Variants in SLC44A5 observed in about 807,000 individuals in gnomAD.
SLC44A5 encodes solute carrier family 44 member 5, also known as choline transporter-like protein 5.
Under a neutral mutation model 101.8 loss-of-function variants are expected in SLC44A5, and 57 were observed. That is an observed-to-expected ratio of 0.56 (90% CI 0.45 to 0.70). The LOEUF (loss-of-function observed/expected upper bound fraction) is 0.70. Ranked by LOEUF, SLC44A5 falls within the 30% of genes least tolerant of loss-of-function variation. SLC44A5 has a pLI of 0.00. For missense variants in SLC44A5, 737 were observed against 853.1 expected (o/e 0.86, Z 1.70); for synonymous variants, 281 against 290.9 (o/e 0.97, Z 0.35).
chr1:75,398,388 G>A, intron 2 of SLC44A5: 4 of 985,322 alleles, frequency 4.1e-6, no homozygotes, highest in African/African-American at 3.5e-5. Flanking sequence ...ATCAGTGCCG[G>A]GTATAGCAGG....
At chr1:75,658,059 A>G in the SLC44A5 span, among the ~76,000 whole-genome samples, 1 of 151,798 alleles carries the variant, frequency 6.6e-6, no homozygotes, top group South Asian at 2.1e-4. Context: ...ACCACATGCT[A>G]GGCCACAAAC....
At chr1:75,215,599 A>G (rs1157253709) in intron 19 of SLC44A5, among the ~76,000 whole-genome samples, 155 bp downstream of exon 19, 1 of 152,148 alleles carries the variant, frequency 6.6e-6, no homozygotes, top group Non-Finnish European at 1.5e-5. Flanking sequence ...CTAGGGAAGC[A>G]TATCCCTGAA....
chr1:75,262,306 A>G (rs1650588397), intron 6 of SLC44A5, among the ~76,000 whole-genome samples: 1 of 152,242 alleles, frequency 6.6e-6, no homozygotes, highest in African/African-American at 2.4e-5. Flanking sequence ...TACAAAATCA[A>G]TGTGCAAAAA....
At chr1:75,236,735 T>C (rs145281327) in intron 11 of SLC44A5, among the ~76,000 whole-genome samples, 255 of 152,190 alleles carry the variant, frequency 1.7e-3, no homozygotes, top group African/African-American at 5.8e-3. Context: ...TCATAGGTAC[T>C]TTTATTAGTA....
At chr1:75,608,463 T>C (rs1347772261) in intron 1 of SLC44A5, among the ~76,000 whole-genome samples, 1 of 151,948 alleles carries the variant, frequency 6.6e-6, no homozygotes, top group Non-Finnish European at 1.5e-5. Context: ...CCCCTACATA[T>C]TGGCTCGATA....
intron 1 of SLC44A5, among the ~76,000 whole-genome samples, chr1:75,555,966 A>C (rs185975274): frequency 2.0e-5 from 3 of 152,092 alleles, no homozygotes; most frequent in Non-Finnish European, 1.5e-5. Context: ...ACCTTCCCCC[A>C]AAAAAGTACA....
chr1:75,238,693 T>C (rs894762317), intron 9 of SLC44A5, 57 bp from the exon 10 acceptor site: 2 of 1,188,920 alleles, frequency 1.7e-6, no homozygotes, highest in Non-Finnish European at 2.3e-6. Context: ...TTTAATGATG[T>C]CCTCCCTTTC....
At chr1:75,522,319 A>G (rs372387992) in intron 2 of SLC44A5, 7 of 151,014 alleles carry the variant, frequency 4.6e-5, no homozygotes, top group African/African-American at 1.7e-4. Flanking sequence ...GTAAATATGT[A>G]TCATAATATA....
At chr1:75,490,084 T>C (rs1668353443) in intron 2 of SLC44A5, among the ~76,000 whole-genome samples, 1 of 152,106 alleles carries the variant, frequency 6.6e-6, no homozygotes, top group Non-Finnish European at 1.5e-5. Flanking sequence ...AGAAAAATAG[T>C]GAGTCAACAA....
chr1:75,264,314 T>C (rs1650807006), intron 6 of SLC44A5, among the ~76,000 whole-genome samples: 1 of 152,162 alleles, frequency 6.6e-6, no homozygotes, highest in African/African-American at 2.4e-5. Context: ...TGCAAGCCAT[T>C]GGCATTGATC....
At chr1:75,617,228 AG>A in the SLC44A5 span, among the ~76,000 whole-genome samples, 2 of 152,094 alleles carry the variant, frequency 1.3e-5, no homozygotes, top group South Asian at 2.1e-4. Flanking sequence ...CCTAATTCGC[AG>A]TGACCTTCTT....
chr1:75,482,642 A>T (rs1667937818), intron 2 of SLC44A5, among the ~76,000 whole-genome samples: 1 of 152,202 alleles, frequency 6.6e-6, no homozygotes, highest in South Asian at 2.1e-4. Flanking sequence ...AATATCAGGA[A>T]CATGAGTCTA....
intron 7 of SLC44A5, among the ~76,000 whole-genome samples, chr1:75,249,586 T>C (rs890112284): frequency 1.3e-5 from 2 of 152,034 alleles, no homozygotes; most frequent in Non-Finnish European, 2.9e-5. Flanking sequence ...CCAGGTGAAA[T>C]AAAAGACTGT....
intron 1 of SLC44A5, among the ~76,000 whole-genome samples, chr1:75,610,690 T>A (rs191839628): frequency 2.3e-4 from 35 of 152,200 alleles, no homozygotes; most frequent in Middle Eastern, 3.4e-3. Flanking sequence ...AGAGATGTTA[T>A]CAACATCTCA....
chr1:75,643,261 G>A, the SLC44A5 span, among the ~76,000 whole-genome samples: 1 of 152,046 alleles, frequency 6.6e-6, no homozygotes, highest in Non-Finnish European at 1.5e-5. Flanking sequence ...AAAGGATTGT[G>A]TTTCTCTTTA....
chr1:75,548,889 G>A (rs544794407), intron 1 of SLC44A5, among the ~76,000 whole-genome samples: 2 of 152,110 alleles, frequency 1.3e-5, no homozygotes, highest in Non-Finnish European at 2.9e-5. Context: ...GAGACAAACA[G>A]GAGGTTGGTA....
At chr1:75,678,490 C>A in the SLC44A5 span, among the ~76,000 whole-genome samples, 4 of 151,356 alleles carry the variant, frequency 2.6e-5, no homozygotes, top group Non-Finnish European at 5.9e-5. Flanking sequence ...AGGCACCCTC[C>A]AGCAGGGGCA....
Position 75,203,698 on chromosome 1 carries a change from C to T in SLC44A5, c.*29G>A. On this transcript the variant is annotated 3_prime_UTR_variant, in exon 24 of 24. Transcript: ENST00000370859. The stretch of plus-strand genomic sequence containing the variant: ...CACAGCAGATGGAGAAAAGGTAACA[C>T]ACAGCTGTAGGACGACCAGTTTGCT... 1 of 1,534,628 alleles carries T rather than the reference C, an allele frequency of 6.5e-7. No homozygotes were observed. Among genetic ancestry groups the T allele is most frequent in the African/African-American group, 1.4e-5 (1 of 72,246 alleles).
the SLC44A5 span, among the ~76,000 whole-genome samples, chr1:75,686,927 G>A: frequency 3.3e-5 from 5 of 152,180 alleles, no homozygotes; most frequent in Non-Finnish European, 5.9e-5. Context: ...GAAGGAAAAG[G>A]TCAAGGATGA....
Sources: allele counts gnomAD v4.1 joint callset (sites outside exome capture counted in the v4.1 genomes callset), GRCh38; gene constraint gnomAD v4.1.1; transcripts MANE v1.5; gene names NCBI Gene and HGNC (gene_info 2026-07-23, HGNC 2026-07-21).